Variants in CEACAM18 observed in about 807,000 individuals in gnomAD.
CEACAM18 encodes CEA cell adhesion molecule 18.
In CEACAM18, 33 loss-of-function variants were observed where a neutral mutation model predicts 34.3. The observed-to-expected ratio is 0.96, with a 90% CI of 0.73 to 1.29. The LOEUF (loss-of-function observed/expected upper bound fraction) is 1.29. CEACAM18 is among the 50% of genes most tolerant of loss of function. CEACAM18 has a pLI of 0.00. For synonymous variants in CEACAM18, 169 were observed against 180.9 expected, an observed-to-expected ratio of 0.93 and a Z score of 0.53; for missense variants, 474 against 485.0, an observed-to-expected ratio of 0.98 and a Z score of 0.21.
rs61737626 is a variant in CEACAM18 at position 51,485,132 on chromosome 19, T to C, written c.1089+10T>C. 4.6e-4 allele frequency: 690 copies of C among 1,497,672 alleles called. 4 individuals are homozygous for C. The African/African-American group carries it at 8.5e-3, about 18-fold the overall frequency. The allele number at this position is 1,497,672 out of a possible 1,614,324, so 92.8% of individuals were successfully genotyped here. On this transcript the variant is annotated intron_variant, in intron 5 of 5. Coordinates refer to ENST00000396477, the Ensembl canonical transcript of CEACAM18. ...ACCACTACTCAATCAGGTGCCCTCATTGCTCTGGGACAAGGGTGGGATGTT... is the reference window on the plus strand; with the variant it reads ...ACCACTACTCAATCAGGTGCCCTCACTGCTCTGGGACAAGGGTGGGATGTT...
At chr19:51,482,762 G>T (rs1989937952) in intron 3 of CEACAM18, among the ~76,000 whole-genome samples, 1 of 152,234 alleles carries the variant, frequency 6.6e-6, no homozygotes, top group South Asian at 2.1e-4. Flanking sequence ...CACACAGTAG[G>T]CCCCATGTGT....
chr19:51,482,902 C>A, intron 3 of CEACAM18, 115 bp from the exon 4 acceptor site: 1 of 1,243,186 alleles, frequency 8.0e-7, no homozygotes, highest in Non-Finnish European at 1.1e-6. Context: ...TGGGGCAGGT[C>A]TAGGGGTTAG....
intron 5 of CEACAM18, among the ~76,000 whole-genome samples, chr19:51,488,819 C>T (rs533578637): frequency 4.6e-5 from 7 of 152,250 alleles, no homozygotes; most frequent in African/African-American, 1.2e-4. Flanking sequence ...TTCTGTTTTA[C>T]GGAATGGATT....
At chr19:51,481,546 C>T (rs1191375864) in exon 3 of CEACAM18, 1 of 1,613,908 alleles carries the variant, frequency 6.2e-7, no homozygotes, top group South Asian at 1.1e-5. Context: ...ACAATTTCCC[C>T]AGACGGCAAG....
At chr19:51,479,805 G>GA (rs1366512492) in intron 1 of CEACAM18, among the ~76,000 whole-genome samples, 1 of 152,200 alleles carries the variant, frequency 6.6e-6, no homozygotes, top group African/African-American at 2.4e-5. Flanking sequence ...GAGCTATGTA[G>GA]AGGCCTGGGG....
At chr19:51,479,779 G>GA (rs1989876345) in intron 1 of CEACAM18, among the ~76,000 whole-genome samples, 1 of 152,208 alleles carries the variant, frequency 6.6e-6, no homozygotes, top group African/African-American at 2.4e-5. Context: ...TTAGGAGAAG[G>GA]TGTGGTGCAC....
chr19:51,479,253 C>T (rs1989866450), intron 1 of CEACAM18, among the ~76,000 whole-genome samples: 1 of 152,242 alleles, frequency 6.6e-6, no homozygotes, highest in African/African-American at 2.4e-5. Flanking sequence ...GGGTCTCAGG[C>T]ATCTCTGCCT....
At chr19:51,480,633 T>C in exon 2 of CEACAM18, 2 of 1,613,720 alleles carry the variant, frequency 1.2e-6, no homozygotes, top group Non-Finnish European at 1.7e-6. Flanking sequence ...GTTCGGGTGG[T>C]TGCAGGCAAT....
intron 5 of CEACAM18, among the ~76,000 whole-genome samples, chr19:51,486,163 C>G (rs1989996424): frequency 6.6e-6 from 1 of 151,748 alleles, no homozygotes; most frequent in Admixed American, 6.6e-5. Context: ...ATGATGATGA[C>G]AAAGATGATG....
chr19:51,488,130 A>C (rs1268267792), intron 5 of CEACAM18, among the ~76,000 whole-genome samples: 1 of 152,214 alleles, frequency 6.6e-6, no homozygotes, highest in Non-Finnish European at 1.5e-5. Context: ...GCTGCATGGG[A>C]AGAGAAGAGA....
rs1169669305 is a variant in CEACAM18 at position 51,485,125 on chromosome 19, G to T, written c.1089+3G>T. 6.7e-7 allele frequency: 1 copy of T among 1,502,510 alleles called. No individual in the cohort carries two copies. The highest frequency in any genetic ancestry group is 8.9e-7 in the Non-Finnish European group (1 of 1,128,036). 93.1% of individuals were successfully genotyped at this position (1,502,510 alleles called of 1,614,324 possible). On this transcript the variant is annotated splice_donor_region_variant and intron_variant, in intron 5 of 5. Coordinates refer to ENST00000396477, the Ensembl canonical transcript of CEACAM18. ...CTGATCAACCACTACTCAATCAGGT[G>T]CCCTCATTGCTCTGGGACAAGGGTG...
intron 5 of CEACAM18, among the ~76,000 whole-genome samples, chr19:51,486,341 T>C (rs1989999462): frequency 2.0e-5 from 3 of 152,184 alleles, no homozygotes; most frequent in African/African-American, 7.2e-5. Context: ...GCACAATGCC[T>C]ATATTTTTCT....
chr19:51,479,826 G>A (rs1481397984), intron 1 of CEACAM18, among the ~76,000 whole-genome samples: 2 of 152,162 alleles, frequency 1.3e-5, no homozygotes, highest in African/African-American at 4.8e-5. Flanking sequence ...CATACAGCGT[G>A]GCAGTCATGT....
chr19:51,479,584 T>C (rs1989871994), intron 1 of CEACAM18, among the ~76,000 whole-genome samples: 1 of 152,006 alleles, frequency 6.6e-6, no homozygotes, highest in South Asian at 2.1e-4. Flanking sequence ...ATGGCTGGGA[T>C]GGGGGGAGCC....
At chr19:51,488,475 G>A (rs1990039112) in intron 5 of CEACAM18, among the ~76,000 whole-genome samples, 1 of 152,232 alleles carries the variant, frequency 6.6e-6, no homozygotes, top group African/African-American at 2.4e-5. Flanking sequence ...GGTCAATGTT[G>A]TAGGCTCCTT....
chr19:51,490,315 C>T (rs2122196817), intron 5 of CEACAM18, among the ~76,000 whole-genome samples: 1 of 152,178 alleles, frequency 6.6e-6, no homozygotes, highest in Non-Finnish European at 1.5e-5. Flanking sequence ...CCAACAGTGC[C>T]CACTCCTTCC....
Position 51,481,626 on chromosome 19 carries a change from AT to A in CEACAM18, c.635del (p.Ile212ThrfsTer10). The A allele has an allele frequency of 6.2e-7, 1 of 1,613,754 alleles. No homozygotes were observed. The highest frequency in any genetic ancestry group is 8.5e-7 in the Non-Finnish European group (1 of 1,179,690). ...GTGCATGATAGAGAGTTTCCCAGAG[AT>A]CTTTCAGAGAAGTGAACGCATCTCT... On this transcript the variant is annotated frameshift_variant, in exon 3 of 6. Transcript: ENST00000396477. LOFTEE classifies it high-confidence loss of function.
Position 51,481,816 on chromosome 19 carries a change from C to T in CEACAM18, c.673+151C>T, listed in dbSNP as rs570631011. On this transcript the variant is annotated intron_variant, in intron 3 of 5. Transcript: ENST00000396477. ...CTCTGGATTGGAATCAGCTCAGGCT[C>T]TTGAGCCCTGTGAACTTGGGAGCTG... 2.6e-5 allele frequency among the ~76,000 whole-genome samples: 4 copies of T among 152,280 alleles called. No homozygotes were observed. The South Asian group carries it at 8.3e-4, about 32-fold the overall frequency.
intron 3 of CEACAM18, 57 bp from the exon 4 acceptor site, chr19:51,482,960 A>G (rs766611235): frequency 3.3e-5 from 53 of 1,582,822 alleles, no homozygotes; most frequent in Non-Finnish European, 4.0e-5. Context: ...GGACTTCATG[A>G]GACGGGACGC....
Sources: gnomAD v4.1 joint callset for allele counts (sites outside exome capture counted in the v4.1 genomes callset) on GRCh38, gnomAD v4.1.1 for gene constraint, MANE v1.5 for transcripts, NCBI Gene and HGNC (gene_info 2026-07-23, HGNC 2026-07-21) for gene names.